The following SLK variants were observed in gnomAD, a reference collection of about 807,000 sequenced individuals.
SLK encodes STE20 like kinase, also known as STE20-like serine/threonine-protein kinase.
Under a neutral mutation model 147.7 loss-of-function variants are expected in SLK, and 67 were observed. The observed-to-expected ratio is 0.45, with a 90% CI of 0.37 to 0.56. The LOEUF (loss-of-function observed/expected upper bound fraction) is 0.56. Ranked by LOEUF, SLK falls within the 20% of genes least tolerant of loss-of-function variation. SLK has a pLI of 0.00. For missense variants in SLK, 1,136 were observed against 1,438.8 expected (o/e 0.79, Z 3.41); for synonymous variants, 441 against 475.0 (o/e 0.93, Z 0.93).
At chr10:103,979,850 C>T (rs1843918696) in intron 1 of SLK, among the ~76,000 whole-genome samples, 1 of 152,032 alleles carries the variant, frequency 6.6e-6, no homozygotes. Context: ...TTTGTGTAGA[C>T]ATTTTAAGTT....
At chr10:103,993,268 AAAC>A (rs1169933369) in intron 4 of SLK, 135 bp downstream of exon 4, 2 of 525,548 alleles carry the variant, frequency 3.8e-6, no homozygotes, top group Non-Finnish European at 6.4e-6. Context: ...GGTTTTTAAA[AAAC>A]ACTTTTTTAG....
At position 103,967,157 on chromosome 10, in the gene SLK, G is replaced by A. The variant is rs1233987949; in HGVS notation, c.-589G>A. The A allele has an allele frequency of 6.6e-6, 1 of 151,180 alleles. No individual in the cohort carries two copies. The highest frequency in any genetic ancestry group is 2.4e-5 in the African/African-American group (1 of 41,332). 9.4% of individuals were successfully genotyped at this position (151,180 alleles called of 1,614,324 possible). A position where few individuals can be genotyped will look rare whatever the true frequency, so the allele number is the denominator to read the frequency against. On this transcript the variant is annotated 5_prime_UTR_variant, in exon 1 of 19. Coordinates refer to ENST00000369755, the MANE Select transcript of SLK (RefSeq NM_014720.4). ...CGCGCTACGGAGTCGGCGTCGGCGC[G>A]CGCTCCAGGCCGAGGCTGTGTGGGC...
chr10:104,019,472 A>G (rs1197784482), intron 15 of SLK, among the ~76,000 whole-genome samples: 11 of 152,020 alleles, frequency 7.2e-5, no homozygotes, highest in African/African-American at 1.9e-4. Context: ...GGGTCTCACT[A>G]TGTTTCACAG....
Position 104,002,913 on chromosome 10 carries a change from G to A in SLK, c.1735G>A (p.Glu579Lys), listed in dbSNP as rs771440768. 3.0e-5 allele frequency: 48 copies of A among 1,614,014 alleles called. No individual in the cohort carries two copies. The highest frequency in any genetic ancestry group is 3.1e-5 in the Non-Finnish European group (36 of 1,180,014). Residue 579 changes from glutamate to lysine, a missense_variant, in exon 9 of 19, where the codon GAA (glutamate) becomes AAA (lysine). Glu to Lys is a moderately conservative substitution (Grantham distance 56). Coordinates refer to ENST00000369755, the MANE Select transcript of SLK (RefSeq NM_014720.4). Reference protein sequence around the residue: ...TQSNDGKEVVEVGQKLINKPM... With the variant: ...TQSNDGKEVVKVGQKLINKPM... ...GAGTAATGATGGGAAAGAAGTGGTC[G>A]AAGTAGGCCAGAAATTAATTAATAA...
rs1311399702 is a variant in SLK, at chr10:103,967,386, CACGGGCCTAA to C, written c.-359_-350del. ...CGCCGCCCCTGGAGACTCGCCGTGA[CACGGGCCTAA>C]GCCGCCGCCGCGGGAGTCCTGACCG... On this transcript the variant is annotated 5_prime_UTR_variant, in exon 1 of 19. Coordinates refer to ENST00000369755, the MANE Select transcript of SLK (RefSeq NM_014720.4). 1 of 150,694 alleles carries C rather than the reference CACGGGCCTAA, an allele frequency of 6.6e-6. No homozygotes were observed. Among genetic ancestry groups the C allele is most frequent in the Non-Finnish European group, 1.5e-5 (1 of 67,576 alleles). The allele number at this position is 150,694 out of a possible 1,614,324, so 9.3% of individuals were successfully genotyped here. A position where few individuals can be genotyped will look rare whatever the true frequency, so the allele number is the denominator to read the frequency against.
rs1279475658 is a variant in SLK at position 103,992,155 on chromosome 10, T to TTTTTTTTTTTTTTA, written c.316-439_316-438insTTTTTTTTTATTTT. 1.4e-5 allele frequency among the ~76,000 whole-genome samples: 2 copies of TTTTTTTTTTTTTTA among 147,340 alleles called. 1 individual carries two copies. Among genetic ancestry groups the TTTTTTTTTTTTTTA allele is most frequent in the East Asian group, 3.9e-4 (2 of 5,092 alleles). On this transcript the variant is annotated intron_variant, in intron 2 of 18. Transcript: ENST00000369755. ...GTATTTCTTCTGTTTTTTTTTTTTT[T>TTTTTTTTTTTTTTA]TTTTCTAAAAGAAGTCTCTGTATAA...
intron 18 of SLK, among the ~76,000 whole-genome samples, chr10:104,024,064 G>C (rs966028749): frequency 6.6e-6 from 1 of 152,110 alleles, no homozygotes; most frequent in Admixed American, 6.6e-5. Context: ...CTCACCATCA[G>C]ATGTTCTTTT....
Position 104,005,554 on chromosome 10 carries a change from C to A in SLK, c.2350-7C>A. 1 of 1,597,662 alleles carries A rather than the reference C, an allele frequency of 6.3e-7. No individual in the cohort carries two copies. The highest frequency in any genetic ancestry group is 1.1e-5 in the South Asian group (1 of 87,540). ...ACAAAGCCTAACTAAAATAAAATCT[C>A]ACTCAGGAAACAAGAAGACAAAAGA... is the stretch of plus-strand genomic sequence containing the variant. On this transcript the variant is annotated splice_polypyrimidine_tract_variant and splice_region_variant and intron_variant, in intron 9 of 18. Transcript: ENST00000369755.
chr10:103,995,055 C>T (rs546935976), intron 4 of SLK, among the ~76,000 whole-genome samples: 10 of 152,148 alleles, frequency 6.6e-5, no homozygotes, highest in Non-Finnish European at 1.0e-4. Flanking sequence ...TCATTATTTT[C>T]GATAATGATT....
chr10:103,984,467 G>A (rs1379851822), intron 1 of SLK, among the ~76,000 whole-genome samples: 1 of 152,098 alleles, frequency 6.6e-6, no homozygotes, highest in Non-Finnish European at 1.5e-5. Flanking sequence ...ATGCTGGAGC[G>A]CAATGGTGCA....
At chr10:104,020,640 G>A in intron 17 of SLK, 27 bp downstream of exon 17, 1 of 1,601,122 alleles carries the variant, frequency 6.2e-7, no homozygotes, top group African/African-American at 1.3e-5. Flanking sequence ...TGACAGCAAA[G>A]CCCATAGGAT....
intron 1 of SLK, among the ~76,000 whole-genome samples, chr10:103,969,771 A>G (rs959897640): frequency 6.6e-6 from 1 of 152,202 alleles, no homozygotes; most frequent in Admixed American, 6.5e-5. Flanking sequence ...TCCTGGACAA[A>G]ACACTTAACT....
chr10:104,012,684 C>T (rs759033129), intron 13 of SLK, among the ~76,000 whole-genome samples: 2 of 152,134 alleles, frequency 1.3e-5, no homozygotes, highest in Non-Finnish European at 2.9e-5. Flanking sequence ...CACACTGATT[C>T]GCTGCACCAT....
chr10:103,974,973 T>C (rs925912543), intron 1 of SLK, among the ~76,000 whole-genome samples: 3 of 150,970 alleles, frequency 2.0e-5, no homozygotes, highest in Non-Finnish European at 3.0e-5. Context: ...CTGGCCCGTC[T>C]TTTGGCTTTT....
chr10:103,969,381 G>A (rs2066687833), intron 1 of SLK, among the ~76,000 whole-genome samples: 1 of 152,112 alleles, frequency 6.6e-6, no homozygotes, highest in African/African-American at 2.4e-5. Context: ...ACTCCTCTCT[G>A]TGTGCTTTCA....
At chr10:103,988,045 G>C (rs1415399787) in intron 1 of SLK, among the ~76,000 whole-genome samples, 1 of 152,198 alleles carries the variant, frequency 6.6e-6, no homozygotes, top group African/African-American at 2.4e-5. Context: ...AAACCTACAT[G>C]CTTTTGTGTT....
At chr10:103,968,045 G>A in intron 1 of SLK, 150 bp downstream of exon 1, 1 of 789,642 alleles carries the variant, frequency 1.3e-6, no homozygotes, top group Non-Finnish European at 2.0e-6. Context: ...ATCATCCAAG[G>A]AGTAGCTAAG....
In SLK at chr10:104,006,048, T is replaced by C; in HGVS notation, c.2604+13T>C. The C allele has an allele frequency of 6.2e-7, 1 of 1,604,222 alleles. No homozygotes were observed. The highest frequency in any genetic ancestry group is 1.1e-5 in the South Asian group (1 of 88,734). On this transcript the variant is annotated intron_variant, in intron 11 of 18. Transcript: ENST00000369755. ...GCAGGAAATGATGGTAAAGTCTGAT[T>C]GTTATACCATTTTATATCATTTTGT...
rs145668154 is a variant in SLK at position 103,980,902 on chromosome 10, A to G, written c.151-9773A>G. On this transcript the variant is annotated intron_variant, in intron 1 of 18. Coordinates refer to ENST00000369755, the MANE Select transcript of SLK (RefSeq NM_014720.4). ...TTTTTAATTTTTTGGGGGAACTGCC[A>G]TATTGTTTTCTGTAGCTGTACCAAT... 9.2e-3 allele frequency among the ~76,000 whole-genome samples: 1,401 copies of G among 152,234 alleles called. 16 individuals are homozygous for G. Among genetic ancestry groups the G allele is most frequent in the African/African-American group, 0.032 (1,344 of 41,544 alleles).
Sources: allele counts gnomAD v4.1 joint callset (sites outside exome capture counted in the v4.1 genomes callset), GRCh38; gene constraint gnomAD v4.1.1; transcripts MANE v1.5; gene names NCBI Gene and HGNC (gene_info 2026-07-23, HGNC 2026-07-21).